Variants in TARS3 observed in about 807,000 individuals in gnomAD.
TARS3 encodes threonine--tRNA ligase 2, cytoplasmic.
In TARS3, 94 loss-of-function variants were observed where a neutral mutation model predicts 103.5. The ratio of observed to expected loss-of-function variants is 0.91; its 90% confidence interval spans 0.77 to 1.08. The LOEUF (loss-of-function observed/expected upper bound fraction) is 1.08, where lower values mean the gene tolerates loss of function less well. TARS3 is among the 50% of genes least tolerant of loss of function. The pLI is 0.00. For synonymous variants in TARS3, 416 were observed against 355.4 expected (o/e 1.17, Z -1.92); for missense variants, 952 against 995.2 (o/e 0.96, Z 0.58).
intron 10 of TARS3, among the ~76,000 whole-genome samples, chr15:101,700,129 T>C (rs1338548656): frequency 2.0e-5 from 3 of 152,078 alleles, no homozygotes; most frequent in African/African-American, 4.8e-5. Context: ...GAATTAGTGG[T>C]AGGCACATAA....
intron 13 of TARS3, among the ~76,000 whole-genome samples, chr15:101,673,514 T>C (rs571392359): frequency 3.9e-5 from 6 of 152,356 alleles, no homozygotes; most frequent in African/African-American, 1.4e-4. Context: ...CCACCATCGT[T>C]ATCATCATCA....
In TARS3 at chr15:101,671,753, T is replaced by C. The variant is rs1897814533; in HGVS notation, c.1789-5A>G. 6.2e-7 allele frequency: 1 copy of C among 1,611,672 alleles called. No homozygotes were observed. The highest frequency in any genetic ancestry group is 2.2e-5 in the East Asian group (1 of 44,870). ...CATCAAGCTGTTCTGCAGTTGCTTT[T>C]TCAAAAGAAGAAAAAAGATACAATT... On this transcript the variant is annotated splice_region_variant and splice_polypyrimidine_tract_variant and intron_variant, in intron 13 of 18. Coordinates refer to ENST00000335968, the MANE Select transcript of TARS3 (RefSeq NM_152334.3).
At chr15:101,659,775 C>T (rs956234324) in intron 16 of TARS3, among the ~76,000 whole-genome samples, 5 of 152,196 alleles carry the variant, frequency 3.3e-5, no homozygotes, top group African/African-American at 1.2e-4. Flanking sequence ...CATACCCATA[C>T]TTTTGGCTTA....
In TARS3 at chr15:101,711,218, C is replaced by A. The variant is rs574064629; in HGVS notation, c.812+662G>T. The stretch of plus-strand genomic sequence containing the variant: ...GTCCAAGATTAGATAAATAGCATAT[C>A]ATATTCTTCTGGGGACAAAAAAGAA... On this transcript the variant is annotated intron_variant, in intron 5 of 18. Transcript: ENST00000335968. Among the ~76,000 whole-genome samples, 13 of 152,286 alleles carry A rather than the reference C, an allele frequency of 8.5e-5. No individual in the cohort carries two copies. In the South Asian group the frequency reaches 2.7e-3, roughly 32 times the overall value.
chr15:101,684,042 G>T, intron 12 of TARS3, 33 bp downstream of exon 12: 1 of 1,590,854 alleles, frequency 6.3e-7, no homozygotes, highest in South Asian at 1.1e-5. Flanking sequence ...CTCAATTTGT[G>T]ACCACACTGC....
intron 15 of TARS3, among the ~76,000 whole-genome samples, chr15:101,668,154 A>C (rs1897653716): frequency 6.6e-6 from 1 of 152,188 alleles, no homozygotes; most frequent in Non-Finnish European, 1.5e-5. Flanking sequence ...TAACTGGTGC[A>C]AGAGGCCGAG....
intron 10 of TARS3, among the ~76,000 whole-genome samples, chr15:101,700,085 G>A (rs1389015254): frequency 6.6e-6 from 1 of 152,144 alleles, no homozygotes; most frequent in Non-Finnish European, 1.5e-5. Flanking sequence ...TATGTTGCAA[G>A]GAGATTTGTA....
chr15:101,663,881 T>G (rs1006314636), intron 15 of TARS3, among the ~76,000 whole-genome samples: 1 of 152,220 alleles, frequency 6.6e-6, no homozygotes, highest in South Asian at 2.1e-4. Flanking sequence ...TAAAAGCTCT[T>G]TATCGTGATA....
chr15:101,689,112 T>TA (rs1898597975), intron 10 of TARS3, among the ~76,000 whole-genome samples: 2 of 152,314 alleles, frequency 1.3e-5, no homozygotes, highest in Admixed American at 6.5e-5. Flanking sequence ...ATAGAACTGA[T>TA]AGACAGAAAA....
intron 3 of TARS3, 102 bp downstream of exon 3, chr15:101,721,024 C>T (rs1449819621): frequency 4.1e-5 from 39 of 940,638 alleles, no homozygotes; most frequent in East Asian, 2.4e-4. Flanking sequence ...CTTTTAGTAT[C>T]GTGAGAATGG....
At chr15:101,703,276 T>C (rs1287323596) in intron 8 of TARS3, among the ~76,000 whole-genome samples, 3 of 152,130 alleles carry the variant, frequency 2.0e-5, no homozygotes, top group Non-Finnish European at 2.9e-5. Context: ...CCATAGTATA[T>C]AGAACAATAT....
chr15:101,722,979 A>T, intron 2 of TARS3, 114 bp downstream of exon 2: 1 of 1,005,054 alleles, frequency 9.9e-7, no homozygotes, highest in Non-Finnish European at 1.5e-6. Flanking sequence ...CACTAATGTG[A>T]CCCAAATAAT....
intron 15 of TARS3, among the ~76,000 whole-genome samples, chr15:101,666,915 T>C (rs1027709735): frequency 1.3e-5 from 2 of 152,222 alleles, no homozygotes; most frequent in African/African-American, 4.8e-5. Flanking sequence ...AGGTTGTTAA[T>C]GTATATGGCA....
chr15:101,678,458 C>T (rs2141399508), intron 12 of TARS3, among the ~76,000 whole-genome samples: 1 of 151,464 alleles, frequency 6.6e-6, no homozygotes, highest in Middle Eastern at 3.4e-3. Context: ...TTCTGGAATT[C>T]AATTCCAATT....
chr15:101,704,662 T>TAA lies in TARS3; in HGVS notation c.996-727_996-726dup, dbSNP rs558123891. 7.9e-4 allele frequency among the ~76,000 whole-genome samples: 74 copies of TAA among 93,112 alleles called. 1 individual carries two copies. Among genetic ancestry groups the TAA allele is most frequent in the African/African-American group, 1.8e-3 (42 of 22,704 alleles). The allele number at this position is 93,112 out of a possible 152,430, so 61.1% of individuals were successfully genotyped here. A position where few individuals can be genotyped will look rare whatever the true frequency, so the allele number is the denominator to read the frequency against. ...AGTGCAAGACTCCATCTCAAAAAAT[T>TAA]AAAAAAAAAAAAAAAAAGAAAGCCA... On this transcript the variant is annotated intron_variant, in intron 7 of 18. Coordinates refer to ENST00000335968, the MANE Select transcript of TARS3 (RefSeq NM_152334.3).
chr15:101,697,126 C>A (rs1421991867), intron 10 of TARS3, among the ~76,000 whole-genome samples: 1 of 152,116 alleles, frequency 6.6e-6, no homozygotes, highest in Non-Finnish European at 1.5e-5. Flanking sequence ...TTACTTTTCC[C>A]TCCCTTGAAA....
At chr15:101,719,538 T>A (rs1015057935) in intron 3 of TARS3, among the ~76,000 whole-genome samples, 1 of 152,198 alleles carries the variant, frequency 6.6e-6, no homozygotes, top group African/African-American at 2.4e-5. Flanking sequence ...GCTGGACATG[T>A]GGCTGGGCGG....
chr15:101,656,005 G>C, intron 18 of TARS3: 1 of 1,289,222 alleles, frequency 7.8e-7, no homozygotes, highest in Non-Finnish European at 1.0e-6. Flanking sequence ...TTGCCACACA[G>C]AAGGAAGAAA....
At chr15:101,723,948 C>T (rs1307355876) in intron 1 of TARS3, 143 bp downstream of exon 1, 11 of 743,208 alleles carry the variant, frequency 1.5e-5, no homozygotes, top group Admixed American at 8.6e-5. Flanking sequence ...CCGAGCAGGG[C>T]AGGGCGGGCC....
Sources: gnomAD v4.1 joint callset for allele counts (sites outside exome capture counted in the v4.1 genomes callset) on GRCh38, gnomAD v4.1.1 for gene constraint, MANE v1.5 for transcripts, NCBI Gene and HGNC (gene_info 2026-07-23, HGNC 2026-07-21) for gene names.